Variants in BMP2K observed in about 807,000 individuals in gnomAD.
BMP2K encodes the protein BMP-2-inducible protein kinase.
BMP2K carries 74 observed loss-of-function variants against 116.0 expected under a neutral mutation model. The ratio of observed to expected loss-of-function variants is 0.64; its 90% CI spans 0.53 to 0.77. The LOEUF (loss-of-function observed/expected upper bound fraction) is 0.77, where lower values mean the gene tolerates loss of function less well. Ranked by LOEUF, BMP2K falls within the 30% of genes least tolerant of loss-of-function variation. BMP2K has a pLI of 0.00. For missense variants in BMP2K, 1,365 were observed against 1,403.6 expected (o/e 0.97, Z 0.44); for synonymous variants, 486 against 502.5 (o/e 0.97, Z 0.44).
At chr4:78,840,569 TA>T (rs1730710439) in intron 3 of BMP2K, among the ~76,000 whole-genome samples, 1 of 152,168 alleles carries the variant, frequency 6.6e-6, no homozygotes, top group African/African-American at 2.4e-5. Flanking sequence ...TATCTCATTT[TA>T]AAAAACCTTC....
intron 14 of BMP2K, among the ~76,000 whole-genome samples, chr4:78,886,123 A>C (rs895313455): frequency 1.3e-5 from 2 of 152,148 alleles, no homozygotes; most frequent in Non-Finnish European, 2.9e-5. Context: ...GGTCTCCCAG[A>C]GTGCTGGGAT....
chr4:78,828,924 C>T (rs187027847), intron 2 of BMP2K, among the ~76,000 whole-genome samples: 108 of 152,252 alleles, frequency 7.1e-4, no homozygotes, highest in Non-Finnish European at 5.4e-4. Context: ...GTGGAAGTTT[C>T]TTAACCCATT....
At chr4:78,901,343 G>T (rs762165285) in intron 15 of BMP2K, among the ~76,000 whole-genome samples, 30 of 152,144 alleles carry the variant, frequency 2.0e-4, no homozygotes, top group South Asian at 1.2e-3. Flanking sequence ...TTACAGGCAA[G>T]AGCCATTGTG....
At chr4:78,865,217 A>T (rs750773882) in intron 9 of BMP2K, among the ~76,000 whole-genome samples, 1 of 152,168 alleles carries the variant, frequency 6.6e-6, no homozygotes, top group Non-Finnish European at 1.5e-5. Flanking sequence ...AGTGGCTGTC[A>T]GTTTTGTCCA....
rs140104136 is a variant in BMP2K at position 78,852,223 on chromosome 4, C to T, written c.883+1167C>T. Among the ~76,000 whole-genome samples, 182 of 151,934 alleles carry T rather than the reference C, an allele frequency of 1.2e-3. 1 individual carries two copies. Among genetic ancestry groups the T allele is most frequent in the Non-Finnish European group, 2.2e-3 (149 of 67,890 alleles). On this transcript the variant is annotated intron_variant, in intron 7 of 15. Transcript: ENST00000502613. ...TTGTAATGTGAGATGGAAAAAAATA[C>T]TACTGATAATTTTAGATCTAATTAG...
At chr4:78,833,348 A>G (rs548614258) in intron 2 of BMP2K, among the ~76,000 whole-genome samples, 1 of 152,258 alleles carries the variant, frequency 6.6e-6, no homozygotes, top group African/African-American at 2.4e-5. Flanking sequence ...CCATTTTCAC[A>G]GTTCAATTTA....
chr4:78,791,521 A>C (rs926423314), intron 1 of BMP2K, among the ~76,000 whole-genome samples: 12 of 152,080 alleles, frequency 7.9e-5, no homozygotes, highest in Non-Finnish European at 1.6e-4. Context: ...AGTACATTCA[A>C]ATTGTTGTGC....
At chr4:78,818,117 A>T (rs375659095) in intron 1 of BMP2K, among the ~76,000 whole-genome samples, 1 of 152,150 alleles carries the variant, frequency 6.6e-6, no homozygotes, top group African/African-American at 2.4e-5. Context: ...TATGGTGTTT[A>T]AAAAAAGATA....
At chr4:78,803,101 C>T (rs146759133) in intron 1 of BMP2K, among the ~76,000 whole-genome samples, 34 of 152,202 alleles carry the variant, frequency 2.2e-4, no homozygotes, top group African/African-American at 7.9e-4. Context: ...CCACCCTCCT[C>T]GGCCTCCCAA....
rs1732285412 is a variant in BMP2K at position 78,870,698 on chromosome 4, T to A, written c.1232-85T>A. The A allele has an allele frequency of 2.7e-6, 4 of 1,494,858 alleles. No homozygotes were observed. In the Admixed American group the frequency reaches 6.7e-5, roughly 25 times the overall value. The allele number at this position is 1,494,858 out of a possible 1,614,324, so 92.6% of individuals were successfully genotyped here. Reference sequence around the variant, plus strand: ...TAAGGATATAAATGCCTTAGTTAAATTATTATTGAAATGAGCATGTTGAAA... The same window carrying A: ...TAAGGATATAAATGCCTTAGTTAAAATATTATTGAAATGAGCATGTTGAAA... On this transcript the variant is annotated intron_variant, in intron 10 of 15. Coordinates refer to ENST00000502613, the MANE Select transcript of BMP2K (RefSeq NM_198892.2).
chr4:78,782,798 T>C (rs1442072063), intron 1 of BMP2K, among the ~76,000 whole-genome samples: 1 of 152,224 alleles, frequency 6.6e-6, no homozygotes, highest in Non-Finnish European at 1.5e-5. Flanking sequence ...TTTTGACAGC[T>C]TTTTTTGGAT....
chr4:78,906,292 G>A, intron 15 of BMP2K: 1 of 152,008 alleles, frequency 6.6e-6, no homozygotes, highest in East Asian at 1.9e-4. Flanking sequence ...TGTCAGTGTG[G>A]GTTGCAAGAA....
chr4:78,823,504 TTATATATAGTTA>T (rs942020948), intron 1 of BMP2K, among the ~76,000 whole-genome samples: 24 of 147,552 alleles, frequency 1.6e-4, no homozygotes, highest in Non-Finnish European at 2.5e-4. Context: ...GTATATATAG[TTATATATAGTTA>T]TATATATAGT....
chr4:78,841,841 A>G (rs1730774433), intron 3 of BMP2K, among the ~76,000 whole-genome samples: 1 of 151,964 alleles, frequency 6.6e-6, no homozygotes, highest in Admixed American at 6.6e-5. Flanking sequence ...TGCCTGGTTG[A>G]TTCCTAATTA....
chr4:78,783,076 T>A (rs1578461878), intron 1 of BMP2K, among the ~76,000 whole-genome samples: 1 of 152,236 alleles, frequency 6.6e-6, no homozygotes, highest in Non-Finnish European at 1.5e-5. Flanking sequence ...GAAATCTGAT[T>A]TGGAAATTAT....
At chr4:78,829,898 T>C in intron 2 of BMP2K, among the ~76,000 whole-genome samples, 1 of 151,180 alleles carries the variant, frequency 6.6e-6, no homozygotes, top group East Asian at 1.9e-4. Flanking sequence ...TGCCCAGGGC[T>C]GGAGTGTGGT....
In BMP2K at chr4:78,910,584, GTAA is replaced by G. The variant is rs751179770; in HGVS notation, c.2063-20_2063-18del. On this transcript the variant is annotated intron_variant, in intron 15 of 15. Transcript: ENST00000502613. ...GGATTCTGAAATGCATTGGAATGCTGTAATAATATTTATTTGAACTTGCAGGTT... is the reference window on the plus strand; with the variant it reads ...GGATTCTGAAATGCATTGGAATGCTGTAATATTTATTTGAACTTGCAGGTT... The G allele has an allele frequency of 2.1e-5, 31 of 1,462,344 alleles. No homozygotes were observed. The African/African-American group carries it at 4.1e-4, about 19-fold the overall frequency. 90.6% of individuals were successfully genotyped at this position (1,462,344 alleles called of 1,614,324 possible).
intron 2 of BMP2K, among the ~76,000 whole-genome samples, chr4:78,831,631 C>G (rs1445540154): frequency 3.3e-5 from 5 of 152,168 alleles, no homozygotes; most frequent in Non-Finnish European, 7.4e-5. Context: ...ATATCATGCT[C>G]TAATGTTGTT....
intron 14 of BMP2K, among the ~76,000 whole-genome samples, chr4:78,884,812 C>T (rs1347068514): frequency 2.6e-5 from 4 of 152,016 alleles, no homozygotes; most frequent in Non-Finnish European, 5.9e-5. Context: ...TTAATCCTCA[C>T]CTTAAGGTTT....
Sources: gnomAD v4.1 joint callset for allele counts (sites outside exome capture counted in the v4.1 genomes callset) on GRCh38, gnomAD v4.1.1 for gene constraint, MANE v1.5 for transcripts, NCBI Gene and HGNC (gene_info 2026-07-23, HGNC 2026-07-21) for gene names.